AGMO: variants seen among roughly 807,000 people sequenced by gnomAD.
AGMO encodes alkylglycerol monooxygenase.
A neutral mutation model predicts 60.2 loss-of-function variants in AGMO; 75 were observed. The ratio of observed to expected loss-of-function variants is 1.25; its 90% CI spans 1.03 to 1.51. The LOEUF (loss-of-function observed/expected upper bound fraction) is 1.51, where lower values mean the gene tolerates loss of function less well. Ranked by LOEUF, AGMO falls within the 40% of genes most tolerant of loss-of-function variation. The pLI is 0.00. For synonymous variants in AGMO, 261 were observed against 177.1 expected (o/e 1.47, Z -3.76); for missense variants, 763 against 525.5 (o/e 1.45, Z -4.42).
At chr7:15,322,467 A>AAAT (rs1781141707) in intron 12 of AGMO, among the ~76,000 whole-genome samples, 8 of 72,106 alleles carry the variant, frequency 1.1e-4, no homozygotes, top group Admixed American at 2.2e-4. Context: ...AATATATATA[A>AAAT]ATATATAAAT....
chr7:15,348,149 T>C (rs1782102433), intron 12 of AGMO, among the ~76,000 whole-genome samples: 1 of 152,194 alleles, frequency 6.6e-6, no homozygotes, highest in Non-Finnish European at 1.5e-5. Context: ...CCTATTGACA[T>C]GTAATCCAAA....
At chr7:15,122,538 CA>C in the AGMO span, among the ~76,000 whole-genome samples, 2 of 152,042 alleles carry the variant, frequency 1.3e-5, no homozygotes, top group Non-Finnish European at 2.9e-5. Flanking sequence ...TCAACATTTC[CA>C]AAATGAGCTC....
chr7:15,427,786 G>C (rs1225564514), intron 4 of AGMO, among the ~76,000 whole-genome samples: 1 of 152,010 alleles, frequency 6.6e-6, no homozygotes, highest in Non-Finnish European at 1.5e-5. Context: ...ACCATATATT[G>C]CAGTGTATAT....
intron 12 of AGMO, among the ~76,000 whole-genome samples, chr7:15,330,344 G>A (rs1583415714): frequency 6.6e-6 from 1 of 152,074 alleles, no homozygotes; most frequent in African/African-American, 2.4e-5. Flanking sequence ...CAATTGTCTT[G>A]GTTTCAGAAA....
intron 5 of AGMO, among the ~76,000 whole-genome samples, chr7:15,397,132 G>GT (rs944527135): frequency 6.6e-5 from 10 of 152,204 alleles, no homozygotes; most frequent in African/African-American, 2.2e-4. Context: ...GGGCACTCCC[G>GT]CAGCCCAGAG....
intron 12 of AGMO, among the ~76,000 whole-genome samples, chr7:15,312,871 G>A (rs1780807862): frequency 6.6e-6 from 1 of 152,024 alleles, no homozygotes. Context: ...GTTTTGCCAT[G>A]TTGCCCAGGA....
intron 3 of AGMO, among the ~76,000 whole-genome samples, chr7:15,529,562 T>A (rs1486552104): frequency 8.2e-6 from 1 of 122,364 alleles, no homozygotes; most frequent in Non-Finnish European, 1.7e-5. Flanking sequence ...ATAGAATATA[T>A]ATTCTATATA....
intron 12 of AGMO, among the ~76,000 whole-genome samples, chr7:15,209,593 G>C (rs1016265428): frequency 1.3e-5 from 2 of 152,158 alleles, no homozygotes; most frequent in African/African-American, 4.8e-5. Context: ...GCCCACATAC[G>C]GCTTGCAGCT....
chr7:15,433,276 G>A (rs75404215), intron 3 of AGMO, among the ~76,000 whole-genome samples: 1,535 of 152,138 alleles, frequency 0.01, 21 homozygotes, highest in Admixed American at 0.015. Flanking sequence ...ATCCACAAAG[G>A]TGGAGGTTAA....
At chr7:15,441,992 G>A (rs1346213809) in intron 3 of AGMO, among the ~76,000 whole-genome samples, 1 of 152,052 alleles carries the variant, frequency 6.6e-6, no homozygotes, top group Non-Finnish European at 1.5e-5. Flanking sequence ...TTGTCTTGGT[G>A]TCCTGAAACC....
chr7:15,427,850 G>C (rs1487725874), intron 4 of AGMO, among the ~76,000 whole-genome samples: 1 of 152,078 alleles, frequency 6.6e-6, no homozygotes, highest in African/African-American at 2.4e-5. Flanking sequence ...CTCCTTGTTG[G>C]TGAGTAATAT....
At chr7:15,199,575 G>T (rs1781220189), downstream of AGMO, among the ~76,000 whole-genome samples, 1 of 152,104 alleles carries the variant, frequency 6.6e-6, no homozygotes, top group Admixed American at 6.5e-5. Flanking sequence ...CATTACTGAA[G>T]AATGTGTTTT....
intron 3 of AGMO, among the ~76,000 whole-genome samples, chr7:15,517,045 A>G (rs2128533365): frequency 6.6e-6 from 1 of 152,240 alleles, no homozygotes; most frequent in South Asian, 2.1e-4. Context: ...CCACTGAGAA[A>G]GATCAACACT....
the AGMO span, among the ~76,000 whole-genome samples, chr7:15,144,635 T>C: frequency 6.6e-6 from 1 of 152,322 alleles, no homozygotes; most frequent in East Asian, 1.9e-4. Flanking sequence ...TTACCTCTAG[T>C]TGCACTTCTT....
In AGMO at chr7:15,248,205, T is replaced by TATATATATATAC. The variant is rs1782816651; in HGVS notation, c.1264-46847_1264-46846insGTATATATATAT. Among the ~76,000 whole-genome samples the TATATATATATAC allele has an allele frequency of 1.3e-4, 13 of 96,712 alleles. No homozygotes were observed. The South Asian group carries it at 4.1e-3, about 31-fold the overall frequency. The allele number at this position is 96,712 out of a possible 152,430, so 63.4% of individuals were successfully genotyped here. A position where few individuals can be genotyped will look rare whatever the true frequency, so the allele number is the denominator to read the frequency against. On this transcript the variant is annotated intron_variant, in intron 12 of 12. Coordinates refer to ENST00000342526, the MANE Select transcript of AGMO (RefSeq NM_001004320.2). The stretch of plus-strand genomic sequence containing the variant: ...ATATATATATATATATATATATATA[T>TATATATATATAC]ATATATATATATATATATATCTTCA...
rs573768801 is a variant in AGMO at position 15,391,683 on chromosome 7, T to C, written c.677-778A>G. ...CACAAATACAAAGAAAAATCTCCCA[T>C]AGTATAAAAGGAGAGAGAGATTGGC... On this transcript the variant is annotated intron_variant, in intron 6 of 12. Coordinates refer to ENST00000342526, the MANE Select transcript of AGMO (RefSeq NM_001004320.2). Among the ~76,000 whole-genome samples the C allele has an allele frequency of 4.5e-3, 677 of 152,114 alleles. 5 individuals are homozygous for C. The highest frequency in any genetic ancestry group is 0.031 in the Middle Eastern group (9 of 292).
chr7:15,343,661 T>A (rs1310396610), intron 12 of AGMO, among the ~76,000 whole-genome samples: 2 of 152,194 alleles, frequency 1.3e-5, no homozygotes, highest in Non-Finnish European at 2.9e-5. Flanking sequence ...CACCGCTGTT[T>A]TATCTGTATA....
intron 2 of AGMO, among the ~76,000 whole-genome samples, chr7:15,556,724 A>G (rs1785152573): frequency 6.6e-6 from 1 of 152,132 alleles, no homozygotes; most frequent in South Asian, 2.1e-4. Flanking sequence ...TGCTTAAACA[A>G]TAGATTTGGT....
At chr7:15,548,110 C>G (rs1184439176) in intron 2 of AGMO, among the ~76,000 whole-genome samples, 1 of 152,016 alleles carries the variant, frequency 6.6e-6, no homozygotes, top group Non-Finnish European at 1.5e-5. Context: ...ACGGTCATGT[C>G]TGTTAGAAGG....
Sources: allele counts gnomAD v4.1 joint callset (sites outside exome capture counted in the v4.1 genomes callset), GRCh38; gene constraint gnomAD v4.1.1; transcripts MANE v1.5; gene names NCBI Gene and HGNC (gene_info 2026-07-23, HGNC 2026-07-21).